CCDC102B: variants seen among roughly 807,000 people sequenced by gnomAD.
CCDC102B encodes the protein coiled-coil domain containing 102B.
Under a neutral mutation model 57.4 loss-of-function variants are expected in CCDC102B, and 75 were observed. The observed-to-expected ratio is 1.31, with a 90% confidence interval of 1.08 to 1.58. CCDC102B has a LOEUF of 1.58. Ranked by LOEUF, CCDC102B falls within the 40% of genes most tolerant of loss-of-function variation. The pLI, the probability that CCDC102B is intolerant of heterozygous loss-of-function variation, is 0.00. For synonymous variants in CCDC102B, 206 were observed against 201.9 expected, an observed-to-expected ratio of 1.02 and a Z score of -0.17; for missense variants, 636 against 582.6, an observed-to-expected ratio of 1.09 and a Z score of -0.94.
intron 1 of CCDC102B, among the ~76,000 whole-genome samples, chr18:68,820,786 C>G (rs921814572): frequency 6.6e-6 from 1 of 152,124 alleles, no homozygotes; most frequent in East Asian, 1.9e-4. Flanking sequence ...TGAGCAGAAA[C>G]AAGCATGGAT....
rs192511588 is a variant in CCDC102B, at chr18:68,747,658, T to G, written c.-67+31064T>G. On this transcript the variant is annotated intron_variant, in intron 2 of 3. Coordinates refer to the CCDC102B transcript ENST00000578970. ...GACTGGTTTATTGCACTTAGCATAA[T>G]GTACTCCAGGTTCATCCAAGTTGTC... 7.9e-5 allele frequency among the ~76,000 whole-genome samples: 12 copies of G among 152,294 alleles called. No individual in the cohort carries two copies. In the South Asian group the frequency reaches 1.2e-3, roughly 16 times the overall value.
chr18:68,772,409 C>T (rs907494091), intron 2 of CCDC102B, among the ~76,000 whole-genome samples: 7 of 152,102 alleles, frequency 4.6e-5, no homozygotes, highest in African/African-American at 1.7e-4. Context: ...TACAAATTAT[C>T]TGCAGCTGTG....
At chr18:68,927,721 C>G (rs1207582314) in intron 6 of CCDC102B, among the ~76,000 whole-genome samples, 1 of 151,888 alleles carries the variant, frequency 6.6e-6, no homozygotes, top group Non-Finnish European at 1.5e-5. Flanking sequence ...AGAAATTACC[C>G]AATGCACTGT....
At chr18:68,737,156 C>T (rs2033168206) in intron 2 of CCDC102B, among the ~76,000 whole-genome samples, 2 of 151,922 alleles carry the variant, frequency 1.3e-5, no homozygotes, top group Non-Finnish European at 2.9e-5. Context: ...AAGGTGTTCT[C>T]TTTGAGTTTT....
At chr18:68,876,239 T>C (rs2039442447) in intron 5 of CCDC102B, among the ~76,000 whole-genome samples, 1 of 152,222 alleles carries the variant, frequency 6.6e-6, no homozygotes, top group Non-Finnish European at 1.5e-5. Context: ...GTATCTGCTG[T>C]GCTGTGTTCT....
At chr18:68,745,853 CTTATTTCA>C (rs1386163404) in intron 2 of CCDC102B, among the ~76,000 whole-genome samples, 2 of 152,118 alleles carry the variant, frequency 1.3e-5, no homozygotes, top group Non-Finnish European at 2.9e-5. Context: ...CTGTTCCTGG[CTTATTTCA>C]TTAACATAAT....
At chr18:68,740,038 G>T (rs1443184222) in intron 2 of CCDC102B, among the ~76,000 whole-genome samples, 1 of 152,186 alleles carries the variant, frequency 6.6e-6, no homozygotes, top group Non-Finnish European at 1.5e-5. Context: ...ATCTCTTAAG[G>T]AAGGATTTCT....
chr18:68,715,361 G>T, exon 1 of CCDC102B: 2 of 666,788 alleles, frequency 3.0e-6, no homozygotes, highest in African/African-American at 2.0e-5. Context: ...CTGAGGGTGA[G>T]GTAGGCTCTG....
chr18:68,978,492 T>C (rs1353962762), intron 6 of CCDC102B, among the ~76,000 whole-genome samples: 1 of 152,042 alleles, frequency 6.6e-6, no homozygotes, highest in Admixed American at 6.6e-5. Flanking sequence ...TCAAAATATA[T>C]TGATTTATAC....
chr18:68,843,208 CTTGTA>C (rs1376259003), intron 3 of CCDC102B, among the ~76,000 whole-genome samples: 19 of 152,244 alleles, frequency 1.2e-4, no homozygotes, highest in Admixed American at 5.9e-4. Flanking sequence ...TTTGTAAAAA[CTTGTA>C]TTGTTAACAG....
At chr18:68,789,050 G>C (rs1599462333) in intron 2 of CCDC102B, among the ~76,000 whole-genome samples, 1 of 152,252 alleles carries the variant, frequency 6.6e-6, no homozygotes, top group African/African-American at 2.4e-5. Flanking sequence ...CTCAGCATTT[G>C]CTTATCTGTA....
chr18:68,988,872 G>A (rs1271959536), intron 6 of CCDC102B, among the ~76,000 whole-genome samples: 4 of 152,196 alleles, frequency 2.6e-5, no homozygotes, highest in African/African-American at 9.6e-5. Flanking sequence ...TTTATCAAAG[G>A]TAACTAACGT....
At chr18:68,790,462 C>T (rs2035406610) in intron 2 of CCDC102B, among the ~76,000 whole-genome samples, 1 of 152,028 alleles carries the variant, frequency 6.6e-6, no homozygotes, top group Admixed American at 6.5e-5. Flanking sequence ...TCTCAGACTG[C>T]TGTGCTAGCA....
rs866838118 is a variant in CCDC102B, at chr18:68,860,478, A to C, written c.936+14057A>C. ...TAAAAAAAAACAAAAACAAAAACAA[A>C]AAAAAAAAAAGACACTACAGGATGA... On this transcript the variant is annotated intron_variant, in intron 4 of 7. Coordinates refer to ENST00000360242, the MANE Select transcript of CCDC102B (RefSeq NM_024781.3). Among the ~76,000 whole-genome samples, 2 of 97,832 alleles carry C rather than the reference A, an allele frequency of 2.0e-5. 1 individual carries two copies. Among genetic ancestry groups the C allele is most frequent in the South Asian group, 7.1e-4 (2 of 2,830 alleles). The allele number at this position is 97,832 out of a possible 152,430, so 64.2% of individuals were successfully genotyped here.
intron 7 of CCDC102B, among the ~76,000 whole-genome samples, chr18:69,015,958 C>T (rs1268690835): frequency 6.6e-6 from 1 of 151,794 alleles, no homozygotes; most frequent in Non-Finnish European, 1.5e-5. Context: ...ATGTTCATGC[C>T]ATTCTCCTGC....
At chr18:68,856,438 G>T (rs951219714) in intron 4 of CCDC102B, among the ~76,000 whole-genome samples, 1 of 152,074 alleles carries the variant, frequency 6.6e-6, no homozygotes, top group Non-Finnish European at 1.5e-5. Context: ...CTACAGGCAT[G>T]TACCACCACA....
At chr18:69,048,720 A>C (rs1055316760) in intron 7 of CCDC102B, among the ~76,000 whole-genome samples, 1 of 151,518 alleles carries the variant, frequency 6.6e-6, no homozygotes, top group Non-Finnish European at 1.5e-5. Context: ...CTTAAAAAAA[A>C]CTCCCCTCCC....
rs959888069 is a variant in CCDC102B, at chr18:68,835,085, T to C, written c.-15-1664T>C. The stretch of plus-strand genomic sequence containing the variant: ...AAATTAAGCTGCATATTTTCAGCAC[T>C]TTTTAAAGCAAAAATTCTACTTACT... On this transcript the variant is annotated intron_variant, in intron 1 of 7. Transcript: ENST00000360242. 1.3e-3 allele frequency among the ~76,000 whole-genome samples: 204 copies of C among 152,286 alleles called. 1 individual carries two copies. The highest frequency in any genetic ancestry group is 4.7e-3 in the African/African-American group (197 of 41,582).
intron 4 of CCDC102B, among the ~76,000 whole-genome samples, chr18:68,853,672 T>TAAAAAAA (rs71175201): frequency 0.05 from 4,643 of 93,578 alleles, 650 homozygotes; most frequent in Non-Finnish European, 0.068. Context: ...CCCCAAATTG[T>TAAAAAAA]AAAAAAAAAA....
Sources: gnomAD v4.1 joint callset for allele counts (sites outside exome capture counted in the v4.1 genomes callset) on GRCh38, gnomAD v4.1.1 for gene constraint, MANE v1.5 for transcripts, NCBI Gene and HGNC (gene_info 2026-07-23, HGNC 2026-07-21) for gene names.